IQCH: variants seen among roughly 807,000 people sequenced by gnomAD.
IQCH encodes the protein IQ domain-containing protein H.
Under a neutral mutation model 117.0 loss-of-function variants are expected in IQCH, and 98 were observed. The observed-to-expected ratio is 0.84, with a 90% confidence interval of 0.71 to 0.99. IQCH has a LOEUF of 0.99. Among genes scored for constraint, IQCH ranks in the 50% least tolerant of loss-of-function variants. The pLI, the probability that IQCH is intolerant of heterozygous loss-of-function variation, is 0.00. For missense variants in IQCH, 1,102 were observed against 1,243.8 expected (o/e 0.89, Z 1.72); for synonymous variants, 412 against 448.2 (o/e 0.92, Z 1.02).
Position 67,494,479 on chromosome 15 carries a change from C to A in IQCH, c.2970+113C>A. Reference sequence around the variant, plus strand: ...CATCTTTTTTTTATTGTAAGCAGTACATATTTTACAGTGTGCAGGGTCAAT... The same window carrying A: ...CATCTTTTTTTTATTGTAAGCAGTAAATATTTTACAGTGTGCAGGGTCAAT... On this transcript the variant is annotated intron_variant, in intron 20 of 20. Transcript: ENST00000335894. The surrounding 1 kb of genome is among the most constrained non-coding windows in gnomAD (Gnocchi z 5.5). 3.0e-6 allele frequency: 2 copies of A among 673,868 alleles called. No individual in the cohort carries two copies. Among genetic ancestry groups the A allele is most frequent in the Non-Finnish European group, 5.0e-6 (2 of 399,050 alleles). The allele number at this position is 673,868 out of a possible 1,614,324, so 41.7% of individuals were successfully genotyped here. A position where few individuals can be genotyped will look rare whatever the true frequency, so the allele number is the denominator to read the frequency against.
chr15:67,341,217 TAAAG>T (rs1161483083), intron 5 of IQCH, among the ~76,000 whole-genome samples: 2 of 149,958 alleles, frequency 1.3e-5, no homozygotes, highest in Non-Finnish European at 3.0e-5. Flanking sequence ...AAAATAAAAA[TAAAG>T]AAAGAAAGAA....
intron 8 of IQCH, among the ~76,000 whole-genome samples, chr15:67,367,019 G>T (rs972304884): frequency 6.6e-6 from 1 of 152,150 alleles, no homozygotes; most frequent in African/African-American, 2.4e-5. Context: ...CCCTGCAGGG[G>T]TGACACATTA....
At chr15:67,360,639 T>G (rs1385957572) in intron 8 of IQCH, among the ~76,000 whole-genome samples, 1 of 152,250 alleles carries the variant, frequency 6.6e-6, no homozygotes, top group Non-Finnish European at 1.5e-5. Context: ...CTTGTTATCA[T>G]AACTCATTGG....
At chr15:67,294,318 TCTGCCCAA>T (rs1166032465) in intron 4 of IQCH, among the ~76,000 whole-genome samples, 1 of 152,214 alleles carries the variant, frequency 6.6e-6, no homozygotes, top group Non-Finnish European at 1.5e-5. Flanking sequence ...TTGTTAGTTC[TCTGCCCAA>T]TATCTATTTC....
chr15:67,258,309 C>T (rs1965313701), intron 1 of IQCH, among the ~76,000 whole-genome samples: 1 of 151,602 alleles, frequency 6.6e-6, no homozygotes, highest in African/African-American at 2.4e-5. Context: ...GCGGGAGAAT[C>T]ACCTGAGGTC....
intron 4 of IQCH, among the ~76,000 whole-genome samples, chr15:67,290,319 T>A (rs1271561410): frequency 1.3e-5 from 2 of 152,100 alleles, no homozygotes; most frequent in Non-Finnish European, 2.9e-5. Context: ...ATATCATAAT[T>A]TCTGCATCTG....
At chr15:67,355,375 A>G (rs1969848065) in intron 6 of IQCH, among the ~76,000 whole-genome samples, 1 of 152,078 alleles carries the variant, frequency 6.6e-6, no homozygotes, top group Non-Finnish European at 1.5e-5. Context: ...TCACGAGATC[A>G]GGAGATTGAG....
intron 14 of IQCH, among the ~76,000 whole-genome samples, chr15:67,414,169 A>G (rs1217619436): frequency 6.6e-6 from 1 of 152,174 alleles, no homozygotes; most frequent in Non-Finnish European, 1.5e-5. Flanking sequence ...GAACCCATTG[A>G]GAGGTTTCAC....
intron 6 of IQCH, among the ~76,000 whole-genome samples, chr15:67,349,007 A>T (rs11071949): frequency 6.6e-6 from 1 of 152,014 alleles, no homozygotes; most frequent in African/African-American, 2.4e-5. Context: ...TCAATGGAGA[A>T]GGCATAATTT....
chr15:67,461,563 A>T (rs2082795504), intron 16 of IQCH, among the ~76,000 whole-genome samples: 1 of 152,230 alleles, frequency 6.6e-6, no homozygotes, highest in Non-Finnish European at 1.5e-5. Flanking sequence ...AGAACAGAAC[A>T]ATTATCTGAG....
intron 4 of IQCH, among the ~76,000 whole-genome samples, chr15:67,320,130 A>G (rs746083976): frequency 1.6e-4 from 24 of 152,254 alleles, no homozygotes; most frequent in Non-Finnish European, 3.1e-4. Context: ...AAAAGTCTCA[A>G]TACTGCTCAG....
At position 67,370,110 on chromosome 15, in the gene IQCH, A is replaced by G. The variant is rs1450001721; in HGVS notation, c.754-2001A>G. On this transcript the variant is annotated intron_variant, in intron 8 of 20. Transcript: ENST00000335894. The surrounding 1 kb of genome is among the most constrained non-coding windows in gnomAD (Gnocchi z 5.6). ...TAAAATACATTTGCTGATGTACGTA[A>G]AAACCCTAGACCCACCCCATGGAAA... Among the ~76,000 whole-genome samples the G allele has an allele frequency of 6.6e-6, 1 of 152,184 alleles. No homozygotes were observed. The highest frequency in any genetic ancestry group is 1.9e-4 in the East Asian group (1 of 5,198).
At chr15:67,305,160 A>C (rs1164481314) in intron 4 of IQCH, among the ~76,000 whole-genome samples, 1 of 152,100 alleles carries the variant, frequency 6.6e-6, no homozygotes, top group Non-Finnish European at 1.5e-5. Context: ...CTATTTTTTT[A>C]AATACATTTT....
rs376947733 is a variant in IQCH, at chr15:67,500,700, A to G, written c.3038A>G (p.Glu1013Gly). The part of the protein sequence containing the change: ...TKENKMRFEE[E>G]QQSKDDKNLS... ...GAAAACAAAATGAGATTTGAAGAGG[A>G]GCAACAGTCCAAAGATGATAAAAAC... is the stretch of plus-strand genomic sequence containing the variant. The change falls in exon 21 of 21, where the codon GAG becomes GGG. Residue 1013 changes from glutamate to glycine, a missense_variant. Transcript: ENST00000335894. This position sits in a 1 kb window ranked among gnomAD's most constrained non-coding sequence, Gnocchi z 4.4. The G allele has an allele frequency of 6.2e-6, 10 of 1,604,790 alleles. 1 individual carries two copies. The South Asian group carries it at 1.1e-4, about 18-fold the overall frequency.
intron 14 of IQCH, among the ~76,000 whole-genome samples, chr15:67,412,033 G>C (rs960517250): frequency 8.5e-5 from 13 of 152,162 alleles, no homozygotes; most frequent in Non-Finnish European, 1.9e-4. Flanking sequence ...GGAAAAAGTG[G>C]AGGCAAGCCT....
At chr15:67,312,225 A>G (rs1967630749) in intron 4 of IQCH, among the ~76,000 whole-genome samples, 1 of 152,134 alleles carries the variant, frequency 6.6e-6, no homozygotes, top group African/African-American at 2.4e-5. Context: ...ATTTCAATAG[A>G]CAGAGGGAAC....
At chr15:67,278,488 G>A (rs1427921409) in intron 3 of IQCH, among the ~76,000 whole-genome samples, 1 of 152,148 alleles carries the variant, frequency 6.6e-6, no homozygotes, top group East Asian at 1.9e-4. Flanking sequence ...CTGCTCTCAG[G>A]CTTCTGCTCC....
rs1192820122 is a variant in IQCH at position 67,494,270 on chromosome 15, G to A, written c.2874G>A (p.Glu958=). The A allele has an allele frequency of 6.2e-7, 1 of 1,608,186 alleles. No individual in the cohort carries two copies. The change falls in exon 20 of 21, where the codon GAG becomes GAA. Residue 958 remains glutamate (E), a synonymous_variant. Coordinates refer to ENST00000335894, the MANE Select transcript of IQCH (RefSeq NM_001031715.3). This position sits in a 1 kb window ranked among gnomAD's most constrained non-coding sequence, Gnocchi z 5.5. ...RHKLGMLTIG[E]DLQGVLMTFA... Reference sequence around the variant, plus strand: ...ATATCATTAACAGAACAATCGGCGAGGATCTCCAGGGGGTCCTCATGACCT... The same window carrying A: ...ATATCATTAACAGAACAATCGGCGAAGATCTCCAGGGGGTCCTCATGACCT...
intron 16 of IQCH, among the ~76,000 whole-genome samples, chr15:67,448,157 CTG>C (rs113292992): frequency 0.021 from 3,137 of 147,654 alleles, 105 homozygotes; most frequent in African/African-American, 0.068. Flanking sequence ...CTAAGTGACT[CTG>C]TGTGTGTGTG....
Sources: gnomAD v4.1 joint callset for allele counts (sites outside exome capture counted in the v4.1 genomes callset) on GRCh38, gnomAD v4.1.1 for gene constraint, Gnocchi (gnomAD v3.1) non-coding constraint, MANE v1.5 for transcripts, NCBI Gene and HGNC (gene_info 2026-07-23, HGNC 2026-07-21) for gene names.